DLAT: variants seen among roughly 807,000 people sequenced by gnomAD.
The protein encoded by DLAT is dihydrolipoamide S-acetyltransferase.
In DLAT, 43 loss-of-function variants were observed where a neutral mutation model predicts 68.0. That is an observed-to-expected ratio of 0.63 (90% CI 0.50 to 0.81). The LOEUF (loss-of-function observed/expected upper bound fraction) is 0.81. Ranked by LOEUF, DLAT falls within the 40% of genes least tolerant of loss-of-function variation. The pLI, the probability that DLAT is intolerant of heterozygous loss-of-function variation, is 0.00. For missense variants in DLAT, 745 were observed against 815.4 expected (o/e 0.91, Z 1.05); for synonymous variants, 265 against 288.6 (o/e 0.92, Z 0.83).
intron 6 of DLAT, among the ~76,000 whole-genome samples, chr11:112,037,669 T>C: frequency 6.6e-6 from 1 of 152,234 alleles, no homozygotes; most frequent in East Asian, 1.9e-4. Flanking sequence ...GTAGCTTTTT[T>C]CTTCCTGCTA....
intron 6 of DLAT, among the ~76,000 whole-genome samples, chr11:112,037,799 A>G (rs1555180687): frequency 6.8e-6 from 1 of 146,864 alleles, no homozygotes; most frequent in Admixed American, 6.8e-5. Flanking sequence ...TTTTTAAGAG[A>G]CAAGGTCTCA....
At chr11:112,025,822 C>G in intron 1 of DLAT, 71 bp downstream of exon 1, 1 of 1,569,260 alleles carries the variant, frequency 6.4e-7, no homozygotes, top group Non-Finnish European at 8.7e-7. Flanking sequence ...CAAGATCCTC[C>G]TTGAGAGGCC....
At position 112,058,701 on chromosome 11, in the gene DLAT, C is replaced by A. The variant is rs1222114175; in HGVS notation, c.1515-1202C>A. ...CCTTTTATAAATGTAGAGAACAGAT[C>A]AAATGTTAACAGTACTTGTGTCTGG... On this transcript the variant is annotated intron_variant, in intron 11 of 13. Coordinates refer to ENST00000280346, the MANE Select transcript of DLAT (RefSeq NM_001931.5). Among the ~76,000 whole-genome samples, 3 of 149,974 alleles carry A rather than the reference C, an allele frequency of 2.0e-5. No homozygotes were observed. In the East Asian group the frequency reaches 5.9e-4, roughly 30 times the overall value.
At chr11:112,055,216 C>T (rs1033043301) in intron 11 of DLAT, among the ~76,000 whole-genome samples, 8 of 149,108 alleles carry the variant, frequency 5.4e-5, no homozygotes, top group Admixed American at 1.3e-4. Context: ...GACAGTCTTC[C>T]GTAATTCAGT....
At chr11:112,044,263 T>G (rs1863193836) in intron 8 of DLAT, among the ~76,000 whole-genome samples, 1 of 152,170 alleles carries the variant, frequency 6.6e-6, no homozygotes, top group Non-Finnish European at 1.5e-5. Context: ...GGCGCGATCT[T>G]GGCTCATTGC....
chr11:112,061,314 G>A lies in DLAT; in HGVS notation c.1814+140G>A, dbSNP rs1464207677. 3 of 846,942 alleles carry A rather than the reference G, an allele frequency of 3.5e-6. No homozygotes were observed. In the East Asian group the frequency reaches 7.7e-5, roughly 22 times the overall value. 52.5% of individuals were successfully genotyped at this position (846,942 alleles called of 1,614,324 possible). ...AATGCTCAAGTCCCTGATATGATAT[G>A]ATGTAATATTTGCATATAACCTACA... is the stretch of plus-strand genomic sequence containing the variant. On this transcript the variant is annotated intron_variant, in intron 13 of 13. Coordinates refer to ENST00000280346, the MANE Select transcript of DLAT (RefSeq NM_001931.5).
At position 112,051,274 on chromosome 11, in the gene DLAT, T is replaced by G; in HGVS notation, c.1439T>G (p.Ile480Ser). 6.2e-7 allele frequency: 1 copy of G among 1,613,378 alleles called. No individual in the cohort carries two copies. The highest frequency in any genetic ancestry group is 8.5e-7 in the Non-Finnish European group (1 of 1,179,930). The change falls in exon 11 of 14, where the codon ATC (isoleucine) becomes AGC (serine). Residue 480 changes from isoleucine to serine, a missense_variant. By Grantham distance (142) the Ile-to-Ser change is moderately radical. Coordinates refer to ENST00000280346, the MANE Select transcript of DLAT (RefSeq NM_001931.5). The surrounding 1 kb of genome is among the most constrained non-coding windows in gnomAD (Gnocchi z 4.3). ...GRSKISVNDFIIKASALACLK... is the reference protein window; with the variant it reads ...GRSKISVNDFSIKASALACLK... ...AGCAAAATTTCTGTCAATGACTTCA[T>G]CATAAAAGCTTCAGCTTTGGCATGT...
chr11:112,036,201 GTTTTTTTTTTTTTTT>G (rs1167345612), intron 5 of DLAT, among the ~76,000 whole-genome samples: 21 of 36,480 alleles, frequency 5.8e-4, no homozygotes, highest in African/African-American at 1.8e-3. Flanking sequence ...GTGTGTGTGT[GTTTTTTTTTTTTTTT>G]TTTTTTTTTT....
intron 13 of DLAT, 160 bp downstream of exon 13, chr11:112,061,334 C>T (rs1864610337): frequency 2.8e-6 from 2 of 718,114 alleles, no homozygotes; most frequent in Admixed American, 2.2e-5. Context: ...TTGCATATAA[C>T]CTACACACAT....
intron 1 of DLAT, among the ~76,000 whole-genome samples, 186 bp downstream of exon 1, chr11:112,025,937 G>A (rs1592650408): frequency 2.0e-5 from 3 of 152,314 alleles, no homozygotes; most frequent in South Asian, 2.1e-4. Context: ...TTCATTGAAA[G>A]GAGAGCTTCA....
At position 112,063,215 on chromosome 11, in the gene DLAT, T is replaced by C. The variant is rs1214711714; in HGVS notation, c.*680T>C. On this transcript the variant is annotated 3_prime_UTR_variant, in exon 14 of 14. Coordinates refer to ENST00000280346, the MANE Select transcript of DLAT (RefSeq NM_001931.5). ...ATATAAACCAGCTACTTGATGTAACTGAGAATTTGTGTGGATATTTATTTA... is the reference window on the plus strand; with the variant it reads ...ATATAAACCAGCTACTTGATGTAACCGAGAATTTGTGTGGATATTTATTTA... The C allele has an allele frequency of 6.6e-6, 1 of 152,240 alleles. No homozygotes were observed. The highest frequency in any genetic ancestry group is 1.9e-4 in the East Asian group (1 of 5,206). 9.4% of individuals were successfully genotyped at this position (152,240 alleles called of 1,614,324 possible).
chr11:112,040,298 C>T (rs1862984011), intron 7 of DLAT, among the ~76,000 whole-genome samples: 1 of 152,106 alleles, frequency 6.6e-6, no homozygotes, highest in African/African-American at 2.4e-5. Context: ...TTTAACTTAC[C>T]ATACTTAATG....
At chr11:112,057,305 G>A (rs1864157051) in intron 11 of DLAT, among the ~76,000 whole-genome samples, 1 of 152,152 alleles carries the variant, frequency 6.6e-6, no homozygotes, top group South Asian at 2.1e-4. Flanking sequence ...GCCTCTGAGT[G>A]TTTCAGTGAA....
At chr11:112,046,801 C>CT (rs199646575) in intron 10 of DLAT, among the ~76,000 whole-genome samples, 21 of 151,862 alleles carry the variant, frequency 1.4e-4, no homozygotes, top group Admixed American at 5.9e-4. Flanking sequence ...CAAACTCATC[C>CT]TTTTTTTTAT....
chr11:112,060,133 T>A, intron 12 of DLAT, 68 bp downstream of exon 12: 1 of 1,419,954 alleles, frequency 7.0e-7, no homozygotes, highest in Non-Finnish European at 9.8e-7. Flanking sequence ...TTATTGCATT[T>A]TTCACCTTTT....
At chr11:112,030,333 A>G (rs1313437396) in intron 4 of DLAT, 3 of 508,834 alleles carry the variant, frequency 5.9e-6, no homozygotes, top group East Asian at 5.2e-5. Flanking sequence ...AAAGAACACC[A>G]TGGGGTTAGC....
chr11:112,037,123 G>A, intron 5 of DLAT, 150 bp from the exon 6 acceptor site: 2 of 702,704 alleles, frequency 2.8e-6, no homozygotes, highest in Non-Finnish European at 5.0e-6. Context: ...TGTAGGTAAA[G>A]AAACCAAGAC....
chr11:112,051,596 A>G lies in DLAT; in HGVS notation c.1514+247A>G, dbSNP rs1555182006. Among the ~76,000 whole-genome samples the G allele has an allele frequency of 5.9e-5, 9 of 151,960 alleles. No individual in the cohort carries two copies. Among genetic ancestry groups the G allele is most frequent in the Non-Finnish European group, 1.5e-5 (1 of 68,004 alleles). ...GTTGTTGTTGTTGATTTATTTTTTA[A>G]AGAGATAGGGTCTTGCTCTGTTGTC... On this transcript the variant is annotated intron_variant, in intron 11 of 13. Coordinates refer to ENST00000280346, the MANE Select transcript of DLAT (RefSeq NM_001931.5). This position sits in a 1 kb window ranked among gnomAD's most constrained non-coding sequence, Gnocchi z 4.3.
intron 10 of DLAT, among the ~76,000 whole-genome samples, chr11:112,047,228 T>A (rs927807096): frequency 2.6e-5 from 4 of 152,242 alleles, no homozygotes; most frequent in Non-Finnish European, 4.4e-5. Context: ...GATGATGAGC[T>A]TTTTTTCATG....
Sources: allele counts gnomAD v4.1 joint callset (sites outside exome capture counted in the v4.1 genomes callset), GRCh38; gene constraint gnomAD v4.1.1; non-coding constraint Gnocchi (gnomAD v3.1); transcripts MANE v1.5; gene names NCBI Gene and HGNC (gene_info 2026-07-23, HGNC 2026-07-21).